Variants in SEMA3D observed in about 807,000 individuals in gnomAD.
SEMA3D encodes the protein semaphorin 3D.
SEMA3D carries 84 observed loss-of-function variants against 100.1 expected under a neutral mutation model. The observed-to-expected ratio is 0.84, with a 90% CI of 0.70 to 1.01. The LOEUF (loss-of-function observed/expected upper bound fraction) is 1.01. SEMA3D is among the 50% of genes least tolerant of loss of function. The pLI is 0.00. For synonymous variants in SEMA3D, 312 were observed against 320.7 expected, an observed-to-expected ratio of 0.97 and a Z score of 0.29; for missense variants, 875 against 934.1, an observed-to-expected ratio of 0.94 and a Z score of 0.82.
In SEMA3D at chr7:85,068,212, G is replaced by C. The variant is rs1302416997; in HGVS notation, c.568C>G (p.Pro190Ala). The change falls in exon 7 of 19, where the codon CCT becomes GCT. Residue 190 changes from proline to alanine, a missense_variant. Pro to Ala is a conservative substitution (Grantham distance 27). Coordinates refer to ENST00000284136, the MANE Select transcript of SEMA3D (RefSeq NM_001384900.1). Reference protein sequence around the residue: ...RLKCPFDPQQPFASVMTDEYL... With the variant: ...RLKCPFDPQQAFASVMTDEYL... ...TTACCTGTCATTACTGAAGCAAAAG[G>C]CTGCTGAGGATCGAAAGGACATTTC... 7 of 1,602,938 alleles carry C rather than the reference G, an allele frequency of 4.4e-6. No homozygotes were observed. Among genetic ancestry groups the C allele is most frequent in the South Asian group, 1.1e-5 (1 of 90,818 alleles).
Position 85,159,965 on chromosome 7 carries a change from G to A in SEMA3D, c.-172-6226C>T, listed in dbSNP as rs545876006. 6.0e-5 allele frequency: 59 copies of A among 984,474 alleles called. No homozygotes were observed. The African/African-American group carries it at 7.5e-4, about 13-fold the overall frequency. The allele number at this position is 984,474 out of a possible 1,614,324, so 61.0% of individuals were successfully genotyped here. On this transcript the variant is annotated intron_variant, in intron 1 of 18. Transcript: ENST00000284136. ...AAGAAACACAAGCCATAAGTTCTACGGTAACTACTCCAGAGGTATCATATC... is the reference window on the plus strand; with the variant it reads ...AAGAAACACAAGCCATAAGTTCTACAGTAACTACTCCAGAGGTATCATATC...
chr7:85,031,361 A>G (rs1481106539), intron 12 of SEMA3D, among the ~76,000 whole-genome samples: 2 of 152,016 alleles, frequency 1.3e-5, no homozygotes, highest in African/African-American at 2.4e-5. Flanking sequence ...GGCTTTTAGT[A>G]AAGGTTCTAA....
At chr7:85,011,066 G>C (rs13231340) in intron 17 of SEMA3D, among the ~76,000 whole-genome samples, 57,347 of 151,548 alleles carry the variant, frequency 0.38, 11,862 homozygotes, top group African/African-American at 0.56. Flanking sequence ...AACAAATAAC[G>C]TAATTTGTAG....
upstream of SEMA3D, among the ~76,000 whole-genome samples, chr7:85,189,635 G>A (rs1278879943): frequency 3.3e-5 from 5 of 152,054 alleles, no homozygotes; most frequent in Non-Finnish European, 1.5e-5. Context: ...TTGCTTGTAT[G>A]CCTGTTTCAG....
chr7:85,126,507 C>G (rs1281065097), intron 2 of SEMA3D, among the ~76,000 whole-genome samples: 1 of 150,208 alleles, frequency 6.7e-6, no homozygotes, highest in Non-Finnish European at 1.5e-5. Flanking sequence ...TTCTTTATAC[C>G]TTAGTGGTAC....
At chr7:85,091,082 GAGAGAA>G (rs529149809) in intron 4 of SEMA3D, among the ~76,000 whole-genome samples, 2,050 of 146,226 alleles carry the variant, frequency 0.014, 46 homozygotes, top group African/African-American at 0.048. Context: ...AAGAGAAAGA[GAGAGAA>G]AGAGAGAGGG....
At chr7:85,001,392 A>G (rs1489051043) in intron 18 of SEMA3D, among the ~76,000 whole-genome samples, 1 of 152,216 alleles carries the variant, frequency 6.6e-6, no homozygotes, top group Non-Finnish European at 1.5e-5. Context: ...TTGTAATACA[A>G]ACTAACTTTG....
At chr7:85,098,024 A>G (rs1788620091) in intron 3 of SEMA3D, 59 bp from the exon 4 acceptor site, 2 of 919,506 alleles carry the variant, frequency 2.2e-6, no homozygotes, top group African/African-American at 1.7e-5. Context: ...AGAAAGAGAA[A>G]GAAAGGAGAG....
intron 3 of SEMA3D, among the ~76,000 whole-genome samples, chr7:85,101,882 T>TA (rs1788756629): frequency 6.6e-6 from 1 of 152,040 alleles, no homozygotes; most frequent in Non-Finnish European, 1.5e-5. Context: ...GCATGTATCT[T>TA]ATCTTCCATT....
intron 1 of SEMA3D, among the ~76,000 whole-genome samples, chr7:85,183,245 T>A (rs1370517467): frequency 6.6e-6 from 1 of 152,188 alleles, no homozygotes; most frequent in Non-Finnish European, 1.5e-5. Flanking sequence ...CAGAGACACC[T>A]CTGGTTTATG....
rs1489446640 is a variant in SEMA3D at position 85,050,116 on chromosome 7, CACACAG to C, written c.861+5595_861+5600del. ...ACACACACACACACACACACACACA[CACACAG>C]AGACAGAGTAATAAACATCAGACAG... On this transcript the variant is annotated intron_variant, in intron 9 of 18. Coordinates refer to ENST00000284136, the MANE Select transcript of SEMA3D (RefSeq NM_001384900.1). Among the ~76,000 whole-genome samples the C allele has an allele frequency of 1.6e-4, 21 of 128,280 alleles. No homozygotes were observed. The South Asian group carries it at 2.3e-3, about 14-fold the overall frequency. 84.2% of individuals were successfully genotyped at this position (128,280 alleles called of 152,430 possible).
chr7:85,131,960 C>A (rs1468502744), intron 2 of SEMA3D, among the ~76,000 whole-genome samples: 1 of 151,774 alleles, frequency 6.6e-6, no homozygotes, highest in African/African-American at 2.4e-5. Context: ...ACTTAGGAAC[C>A]TCACATAATT....
At chr7:85,221,437 T>C in the SEMA3D span, among the ~76,000 whole-genome samples, 1 of 152,028 alleles carries the variant, frequency 6.6e-6, no homozygotes, top group African/African-American at 2.4e-5. Flanking sequence ...TACTGACCAG[T>C]GTTCAAATCC....
At chr7:85,147,413 G>T (rs1468949561) in intron 2 of SEMA3D, among the ~76,000 whole-genome samples, 1 of 151,916 alleles carries the variant, frequency 6.6e-6, no homozygotes, top group African/African-American at 2.4e-5. Context: ...GCCTCCCAAA[G>T]TGCTGGGATT....
At chr7:85,163,042 TA>T in intron 1 of SEMA3D, 1 of 891,912 alleles carries the variant, frequency 1.1e-6, no homozygotes, top group Non-Finnish European at 1.3e-6. Flanking sequence ...AGTAAGAATA[TA>T]AAAGAAGTAT....
rs948807850 is a variant in SEMA3D, at chr7:85,087,105, G to C, written c.313-5526C>G. The stretch of plus-strand genomic sequence containing the variant: ...ACAGTATCCTGACATATTAAAAGTT[G>C]CATGAAACAGCACACAACAAAGCAC... On this transcript the variant is annotated intron_variant, in intron 4 of 18. Transcript: ENST00000284136. 3.9e-5 allele frequency among the ~76,000 whole-genome samples: 6 copies of C among 152,252 alleles called. No homozygotes were observed. In the South Asian group the frequency reaches 6.2e-4, roughly 16 times the overall value.
At chr7:85,249,430 T>A in the SEMA3D span, among the ~76,000 whole-genome samples, 1 of 152,066 alleles carries the variant, frequency 6.6e-6, no homozygotes, top group Non-Finnish European at 1.5e-5. Flanking sequence ...ACTAAGAAAA[T>A]CTGGATAAAG....
At chr7:85,153,525 G>A (rs1790490944) in intron 2 of SEMA3D, 83 bp downstream of exon 2, 1 of 149,996 alleles carries the variant, frequency 6.7e-6, no homozygotes. Context: ...AGAACAAGTA[G>A]GAGAAATGCA....
chr7:85,239,428 C>T, the SEMA3D span, among the ~76,000 whole-genome samples: 1 of 152,184 alleles, frequency 6.6e-6, no homozygotes, highest in Non-Finnish European at 1.5e-5. Context: ...GCTAGACCTG[C>T]TGGTGCTTTG....
Sources: gnomAD v4.1 joint callset for allele counts (sites outside exome capture counted in the v4.1 genomes callset) on GRCh38, gnomAD v4.1.1 for gene constraint, MANE v1.5 for transcripts, NCBI Gene and HGNC (gene_info 2026-07-23, HGNC 2026-07-21) for gene names.